The following TDRD5 variants were observed in gnomAD, a reference collection of about 807,000 sequenced individuals.
The protein encoded by TDRD5 is tudor domain containing 5, also known as tudor domain-containing protein 5.
Under a neutral mutation model 120.6 loss-of-function variants are expected in TDRD5, and 41 were observed. The ratio of observed to expected loss-of-function variants is 0.34; its 90% CI spans 0.26 to 0.44. TDRD5 has a LOEUF of 0.44. TDRD5 is among the 20% of genes least tolerant of loss of function. The pLI is 1.00. For missense variants in TDRD5, 1,006 were observed against 1,221.2 expected (o/e 0.82, Z 2.63); for synonymous variants, 430 against 433.7 (o/e 0.99, Z 0.11).
At chr1:179,611,528 C>A (rs998624709) in intron 4 of TDRD5, among the ~76,000 whole-genome samples, 1 of 152,114 alleles carries the variant, frequency 6.6e-6, no homozygotes, top group Non-Finnish European at 1.5e-5. Context: ...ATTTGCTGTG[C>A]CCTTTTCAGT....
Position 179,690,803 on chromosome 1 carries a change from T to C in TDRD5, c.2968T>C (p.Leu990=). Residue 990 remains leucine, a synonymous_variant, in exon 18 of 18, where the codon TTG becomes CTG. Coordinates refer to ENST00000444136, the MANE Select transcript of TDRD5 (RefSeq NM_001199085.3). ...ATCTGTAGACCAGCTGTCTTTGATT[T>C]TGTCTTATGAGTGCCAGATTTCTCA... The part of the protein sequence containing the change: ...QESVDQLSLI[L]SYECQISQKL... 1 of 1,614,258 alleles carries C rather than the reference T, an allele frequency of 6.2e-7. No homozygotes were observed.
intron 16 of TDRD5, among the ~76,000 whole-genome samples, chr1:179,664,912 C>T (rs907789129): frequency 1.3e-5 from 2 of 152,092 alleles, no homozygotes; most frequent in African/African-American, 2.4e-5. Flanking sequence ...TATGTACCCC[C>T]CAGCAGTGTA....
intron 6 of TDRD5, among the ~76,000 whole-genome samples, chr1:179,624,280 C>G (rs1194335360): frequency 6.6e-6 from 1 of 152,132 alleles, no homozygotes; most frequent in African/African-American, 2.4e-5. Flanking sequence ...AGAAATTCCT[C>G]ATTTGGATAA....
intron 7 of TDRD5, among the ~76,000 whole-genome samples, chr1:179,632,847 C>T (rs1315834078): frequency 3.3e-5 from 5 of 152,098 alleles, no homozygotes; most frequent in East Asian, 1.9e-4. Context: ...TTTAATATAC[C>T]TAGCCTACTG....
chr1:179,677,172 CTAAG>C (rs1680182741), intron 17 of TDRD5, among the ~76,000 whole-genome samples: 1 of 152,028 alleles, frequency 6.6e-6, no homozygotes, highest in South Asian at 2.1e-4. Context: ...TTGCATTTCT[CTAAG>C]TGTGTCCTTG....
chr1:179,637,872 C>T (rs74132223), intron 9 of TDRD5, among the ~76,000 whole-genome samples: 8 of 152,146 alleles, frequency 5.3e-5, no homozygotes, highest in Non-Finnish European at 8.8e-5. Context: ...AAAAGGGAGT[C>T]GTTCTGCCTG....
chr1:179,637,166 C>T (rs1381145949), intron 9 of TDRD5, among the ~76,000 whole-genome samples: 2 of 152,048 alleles, frequency 1.3e-5, no homozygotes, highest in African/African-American at 4.8e-5. Context: ...AAAAACATTC[C>T]ATGTTTTTAA....
chr1:179,680,429 C>G (rs1206186606), intron 17 of TDRD5, among the ~76,000 whole-genome samples: 1 of 151,796 alleles, frequency 6.6e-6, no homozygotes, highest in Admixed American at 6.5e-5. Context: ...TTTCTTTTTT[C>G]AGTTTGAACA....
rs372611775 is a variant in TDRD5, at chr1:179,602,057, C to T, written c.831+6239C>T. ...CTGAGCTCAGGCAGTCCACCCACCT[C>T]GGCCTCCCAAAGTGCTGGGATTACA... On this transcript the variant is annotated intron_variant, in intron 4 of 17. Transcript: ENST00000444136. Among the ~76,000 whole-genome samples, 670 of 152,354 alleles carry T rather than the reference C, an allele frequency of 4.4e-3. 5 individuals carry two copies. Among genetic ancestry groups the T allele is most frequent in the Non-Finnish European group, 6.2e-3 (425 of 68,020 alleles).
At chr1:179,593,401 A>T in intron 2 of TDRD5, 59 bp from the exon 3 acceptor site, 1 of 1,530,876 alleles carries the variant, frequency 6.5e-7, no homozygotes. Flanking sequence ...ACAGATACTA[A>T]GGATAAAGAA....
chr1:179,613,809 G>T (rs926598642), intron 4 of TDRD5, among the ~76,000 whole-genome samples: 2 of 152,140 alleles, frequency 1.3e-5, no homozygotes, highest in African/African-American at 4.8e-5. Flanking sequence ...AGGGATTTGG[G>T]GAGTGGGGAG....
At chr1:179,603,362 CTTTA>C (rs1471177745) in intron 4 of TDRD5, among the ~76,000 whole-genome samples, 1 of 151,988 alleles carries the variant, frequency 6.6e-6, no homozygotes. Context: ...TTTGGATGTC[CTTTA>C]TTTATTTTTC....
intron 6 of TDRD5, among the ~76,000 whole-genome samples, chr1:179,626,075 A>AG (rs1677112116): frequency 1.4e-5 from 2 of 147,452 alleles, no homozygotes; most frequent in Admixed American, 1.4e-4. Flanking sequence ...GGGGTGGGGC[A>AG]GGGGGGAGGG....
chr1:179,691,079 A>G lies in TDRD5; in HGVS notation c.*136A>G, dbSNP rs1273872031. 6 of 1,177,722 alleles carry G rather than the reference A, an allele frequency of 5.1e-6. No individual in the cohort carries two copies. Among genetic ancestry groups the G allele is most frequent in the Non-Finnish European group, 6.9e-6 (6 of 868,302 alleles). 73.0% of individuals were successfully genotyped at this position (1,177,722 alleles called of 1,614,324 possible). ...TTTTGTCTTTCTGTGACTATATGTT[A>G]GCTTTATTATGCTAACAGTCTACTT... On this transcript the variant is annotated 3_prime_UTR_variant, in exon 18 of 18. Transcript: ENST00000444136.
At chr1:179,602,209 T>A (rs1232654038) in intron 4 of TDRD5, among the ~76,000 whole-genome samples, 1 of 152,230 alleles carries the variant, frequency 6.6e-6, no homozygotes, top group Non-Finnish European at 1.5e-5. Flanking sequence ...ACCGCATTCA[T>A]GCCAACATCT....
At chr1:179,643,222 A>G (rs1678148252) in intron 11 of TDRD5, among the ~76,000 whole-genome samples, 5 of 152,312 alleles carry the variant, frequency 3.3e-5, no homozygotes, top group East Asian at 1.9e-4. Flanking sequence ...GACAGTTTTA[A>G]CTGCCAGTTA....
In TDRD5 at chr1:179,652,035, T is replaced by G; in HGVS notation, c.2002-4T>G. On this transcript the variant is annotated splice_region_variant and splice_polypyrimidine_tract_variant and intron_variant, in intron 12 of 17. Coordinates refer to ENST00000444136, the MANE Select transcript of TDRD5 (RefSeq NM_001199085.3). ...AACCATCCCTTTTCTTTTTTTAATC[T>G]TAGGGTTTCAGTGAGCTCAACCCTT... 6.2e-7 allele frequency: 1 copy of G among 1,610,738 alleles called. No homozygotes were observed. The highest frequency in any genetic ancestry group is 8.5e-7 in the Non-Finnish European group (1 of 1,179,302).
At chr1:179,592,535 T>C (rs531495319) in intron 1 of TDRD5, 67 bp from the exon 2 acceptor site, 260 of 1,258,628 alleles carry the variant, frequency 2.1e-4, no homozygotes, top group Non-Finnish European at 2.8e-4. Context: ...TATCCCACTA[T>C]TGGTTTTTTT....
chr1:179,660,429 C>T (rs1332303995), intron 14 of TDRD5, among the ~76,000 whole-genome samples: 35 of 151,546 alleles, frequency 2.3e-4, no homozygotes, highest in Non-Finnish European at 2.9e-5. Context: ...ACCGTGTTAT[C>T]CAGGATGGTC....
Sources: gnomAD v4.1 joint callset for allele counts (sites outside exome capture counted in the v4.1 genomes callset) on GRCh38, gnomAD v4.1.1 for gene constraint, MANE v1.5 for transcripts, NCBI Gene and HGNC (gene_info 2026-07-23, HGNC 2026-07-21) for gene names.